Variants in CACNA1H observed in about 807,000 individuals in gnomAD.
The protein encoded by CACNA1H is calcium voltage-gated channel subunit alpha1 H.
In CACNA1H, 149 loss-of-function variants were observed where a neutral mutation model predicts 192.5. The ratio of observed to expected loss-of-function variants is 0.77; its 90% CI spans 0.68 to 0.89. The LOEUF is 0.89. Among genes scored for constraint, CACNA1H ranks in the 40% least tolerant of loss-of-function variants. The pLI, the probability that CACNA1H is intolerant of heterozygous loss-of-function variation, is 0.00. For synonymous variants in CACNA1H, 2,202 were observed against 1,475.2 expected (o/e 1.49, Z -11.29); for missense variants, 4,257 against 3,423.5 (o/e 1.24, Z -6.08).
intron 23 of CACNA1H, 46 bp from the exon 24 acceptor site, chr16:1,211,670 G>A (rs757940174): frequency 5.5e-5 from 88 of 1,610,338 alleles, no homozygotes; most frequent in African/African-American, 9.3e-5. Context: ...GAGGGCCGGC[G>A]ACCCCAGCTC....
intron 14 of CACNA1H, among the ~76,000 whole-genome samples, 158 bp from the exon 15 acceptor site, chr16:1,207,612 G>T (rs1443122274): frequency 1.3e-5 from 2 of 152,040 alleles, no homozygotes; most frequent in African/African-American, 4.8e-5. Context: ...GTCGGGAGAG[G>T]CAGATTCCTC....
At position 1,211,578 on chromosome 16, in the gene CACNA1H, G is replaced by A. The variant is rs774455553; in HGVS notation, c.4448G>A (p.Arg1483His). ...CRAAHYRWVR[R>H]KYNFDNLGQA... Reference sequence around the variant, plus strand: ...GCCGCCCACTACCGCTGGGTGCGACGCAAGTACAACTTCGACAACCTGGGC... The same window carrying A: ...GCCGCCCACTACCGCTGGGTGCGACACAAGTACAACTTCGACAACCTGGGC... The change falls in exon 23 of 35, where the codon CGC (arginine) becomes CAC (histidine). Residue 1483 changes from arginine (R) to histidine (H), a missense_variant. Transcript: ENST00000348261. The A allele has an allele frequency of 3.5e-5, 57 of 1,610,198 alleles. No individual in the cohort carries two copies. Among genetic ancestry groups the A allele is most frequent in the Admixed American group, 1.5e-4 (9 of 59,660 alleles).
chr16:1,215,955 C>G (rs997208319), intron 30 of CACNA1H, among the ~76,000 whole-genome samples: 1 of 152,068 alleles, frequency 6.6e-6, no homozygotes, highest in African/African-American at 2.4e-5. Flanking sequence ...GCTGCGGGCC[C>G]GGGGCCCCCT....
intron 31 of CACNA1H, among the ~76,000 whole-genome samples, 156 bp downstream of exon 31, chr16:1,217,166 A>C (rs1445391979): frequency 6.6e-6 from 1 of 152,084 alleles, no homozygotes; most frequent in Non-Finnish European, 1.5e-5. Flanking sequence ...CTGCTTCCGG[A>C]GCCTTTTCTG....
chr16:1,220,024 C>T lies in CACNA1H; in HGVS notation c.6092C>T (p.Pro2031Leu), dbSNP rs1778106271. ...TCCTTGGAAGGGAAGATTGACAGCC[C>T]TAGGGACACCCTGGATCCTGCAGAG... is the stretch of plus-strand genomic sequence containing the variant. ...TDSLEGKIDS[P>L]RDTLDPAEPG... The change falls in exon 35 of 35, where the codon CCT becomes CTT. Residue 2031 changes from proline (P) to leucine (L), a missense_variant. Coordinates refer to ENST00000348261, the MANE Select transcript of CACNA1H (RefSeq NM_021098.3). 2 of 1,406,804 alleles carry T rather than the reference C, an allele frequency of 1.4e-6. No homozygotes were observed. Among genetic ancestry groups the T allele is most frequent in the South Asian group, 1.8e-5 (1 of 55,104 alleles). 87.1% of individuals were successfully genotyped at this position (1,406,804 alleles called of 1,614,324 possible). A position where few individuals can be genotyped will look rare whatever the true frequency, so the allele number is the denominator to read the frequency against.
intron 2 of CACNA1H, among the ~76,000 whole-genome samples, chr16:1,183,331 C>T (rs924457691): frequency 2.6e-5 from 4 of 152,206 alleles, no homozygotes; most frequent in African/African-American, 9.6e-5. Context: ...TGAGTTAAAA[C>T]CCTGCGGTGG....
chr16:1,215,431 C>T (rs939555713), intron 29 of CACNA1H, 56 bp downstream of exon 29: 8 of 1,581,634 alleles, frequency 5.1e-6, no homozygotes, highest in Middle Eastern at 1.8e-4. Context: ...GGGGGCTCAG[C>T]CATGGGTGGG....
intron 2 of CACNA1H, among the ~76,000 whole-genome samples, chr16:1,161,160 A>G (rs1963150721): frequency 6.6e-6 from 1 of 151,796 alleles, no homozygotes; most frequent in African/African-American, 2.4e-5. Flanking sequence ...GCCCTGCTGG[A>G]CTCGTCTGAC....
rs1380085605 is a variant in CACNA1H, at chr16:1,168,423, G to C, written c.299+14387G>C. Among the ~76,000 whole-genome samples, 5 of 152,266 alleles carry C rather than the reference G, an allele frequency of 3.3e-5. No homozygotes were observed. The East Asian group carries it at 9.7e-4, about 30-fold the overall frequency. On this transcript the variant is annotated intron_variant, in intron 2 of 34. Transcript: ENST00000348261. ...AACGATGTGGGGAGGCTCCTGGGCA[G>C]GCGGGGAGGCTGCTGGACTTGTGAT...
Position 1,215,613 on chromosome 16 carries a change from T to A in CACNA1H, c.5244+20T>A. On this transcript the variant is annotated intron_variant, in intron 30 of 34. Transcript: ENST00000348261. ...CCCCAGGTAGGTGGAGCCCGCGCCA[T>A]CCTCAGCGCAGGCCCCCGGAAGACG... The A allele has an allele frequency of 6.2e-7, 1 of 1,602,380 alleles. No individual in the cohort carries two copies. The highest frequency in any genetic ancestry group is 8.5e-7 in the Non-Finnish European group (1 of 1,174,844).
At chr16:1,197,295 G>A (rs1385527674) in intron 5 of CACNA1H, among the ~76,000 whole-genome samples, 2 of 152,242 alleles carry the variant, frequency 1.3e-5, no homozygotes, top group Non-Finnish European at 2.9e-5. Context: ...GTGAGGGGAC[G>A]CGTGTGTGGC....
intron 31 of CACNA1H, among the ~76,000 whole-genome samples, chr16:1,217,376 C>T (rs1217244695): frequency 6.6e-6 from 1 of 152,236 alleles, no homozygotes; most frequent in African/African-American, 2.4e-5. Context: ...CAAATGTTGG[C>T]TGTCTCCCCT....
At chr16:1,186,079 T>G (rs1596355233) in intron 2 of CACNA1H, among the ~76,000 whole-genome samples, 5 of 78,578 alleles carry the variant, frequency 6.4e-5, no homozygotes, top group Admixed American at 1.4e-4. Flanking sequence ...GGAGGCGGGG[T>G]GTGTACGGGG....
At chr16:1,212,580 G>T (rs187925309) in intron 26 of CACNA1H, 52 bp downstream of exon 26, 2 of 1,579,814 alleles carry the variant, frequency 1.3e-6, no homozygotes, top group Non-Finnish European at 1.7e-6. Context: ...GCCGCTGCTC[G>T]GGGAAGGGCG....
At chr16:1,211,460 G>A in intron 22 of CACNA1H, 21 bp from the exon 23 acceptor site, 2 of 1,612,312 alleles carry the variant, frequency 1.2e-6, no homozygotes. Flanking sequence ...GCCCTCCGCG[G>A]TGACCGTCGC....
At chr16:1,213,238 C>G (rs770759703) in intron 26 of CACNA1H, among the ~76,000 whole-genome samples, 2 of 152,224 alleles carry the variant, frequency 1.3e-5, no homozygotes, top group African/African-American at 2.4e-5. Flanking sequence ...ACACTCTCGT[C>G]TCTGCTCCAG....
chr16:1,163,725 C>T (rs766475992), intron 2 of CACNA1H, among the ~76,000 whole-genome samples: 11 of 152,210 alleles, frequency 7.2e-5, no homozygotes, highest in Non-Finnish European at 1.0e-4. Flanking sequence ...AGGGTACTGC[C>T]TTGGCTGGTA....
intron 2 of CACNA1H, among the ~76,000 whole-genome samples, chr16:1,172,916 CT>C (rs141245242): frequency 0.018 from 2,796 of 151,560 alleles, 92 homozygotes; most frequent in African/African-American, 0.064. Flanking sequence ...GTCACTGGCC[CT>C]AAGCCTTGTT....
intron 10 of CACNA1H, 33 bp from the exon 11 acceptor site, chr16:1,205,081 G>C: frequency 6.3e-7 from 1 of 1,584,000 alleles, no homozygotes; most frequent in Non-Finnish European, 8.6e-7. Flanking sequence ...CCGCGGGTGC[G>C]GCCTCCTGAA....
Sources: gnomAD v4.1 joint callset for allele counts (sites outside exome capture counted in the v4.1 genomes callset) on GRCh38, gnomAD v4.1.1 for gene constraint, MANE v1.5 for transcripts, NCBI Gene and HGNC (gene_info 2026-07-23, HGNC 2026-07-21) for gene names.